CAMKV: variants seen among roughly 807,000 people sequenced by gnomAD.
CAMKV encodes caM kinase-like vesicle-associated protein.
Under a neutral mutation model 50.2 loss-of-function variants are expected in CAMKV, and 5 were observed. The observed-to-expected ratio is 0.10, with a 90% CI of 0.05 to 0.21. CAMKV has a LOEUF of 0.21. Among genes scored for constraint, CAMKV ranks in the 10% least tolerant of loss-of-function variants. CAMKV has a pLI of 1.00. For synonymous variants in CAMKV, 229 were observed against 250.1 expected (o/e 0.92, Z 0.80); for missense variants, 361 against 650.5 (o/e 0.55, Z 4.84).
Position 49,861,383 on chromosome 3 carries a change from C to T in CAMKV, c.441+56G>A, listed in dbSNP as rs1382234576. 2.5e-6 allele frequency: 4 copies of T among 1,612,668 alleles called. No individual in the cohort carries two copies. In the South Asian group the frequency reaches 3.3e-5, roughly 13 times the overall value. Reference sequence around the variant, plus strand: ...TAGACCAAGGCCCTGAGGTGCTGCCCACCCCAGCACCAGCCCAGCTGCCAA... The same window carrying T: ...TAGACCAAGGCCCTGAGGTGCTGCCTACCCCAGCACCAGCCCAGCTGCCAA... On this transcript the variant is annotated intron_variant, in intron 5 of 10. Transcript: ENST00000477224. This position sits in a 1 kb window ranked among gnomAD's most constrained non-coding sequence, Gnocchi z 7.7.
Position 49,860,293 on chromosome 3 carries a change from A to C in CAMKV, c.855-35T>G, listed in dbSNP as rs182564878. ...GTGCAAGTGTGTCTGGATCTGAGAG[A>C]ATGAGCCTTTGTGGAGACTCTGCTC... On this transcript the variant is annotated intron_variant, in intron 9 of 10. Coordinates refer to ENST00000477224, the MANE Select transcript of CAMKV (RefSeq NM_024046.5). This position sits in a 1 kb window ranked among gnomAD's most constrained non-coding sequence, Gnocchi z 6.1. 97 of 1,602,538 alleles carry C rather than the reference A, an allele frequency of 6.1e-5. No individual in the cohort carries two copies. The African/African-American group carries it at 1.1e-3, about 19-fold the overall frequency.
Position 49,862,988 on chromosome 3 carries a change from C to T in CAMKV, c.-14-586G>A, listed in dbSNP as rs4688691. On this transcript the variant is annotated intron_variant, in intron 1 of 10. Transcript: ENST00000477224. This position sits in a 1 kb window ranked among gnomAD's most constrained non-coding sequence, Gnocchi z 5.2. Reference sequence around the variant, plus strand: ...TGCTCATAGTAGCCATATACATAATCGCCAAAAATTGAAAACAGACCAAAT... The same window carrying T: ...TGCTCATAGTAGCCATATACATAATTGCCAAAAATTGAAAACAGACCAAAT... Among the ~76,000 whole-genome samples the T allele has an allele frequency of 6.6e-6, 1 of 152,196 alleles. No individual in the cohort carries two copies. Among genetic ancestry groups the T allele is most frequent in the African/African-American group, 2.4e-5 (1 of 41,430 alleles).
At position 49,860,891 on chromosome 3, in the gene CAMKV, C is replaced by T. The variant is rs753996522; in HGVS notation, c.639-39G>A. Reference sequence around the variant, plus strand: ...GGGTCACACAGAAAGGCCACAGACACATGCCCCCACCCCATCTGACTGCAA... The same window carrying T: ...GGGTCACACAGAAAGGCCACAGACATATGCCCCCACCCCATCTGACTGCAA... On this transcript the variant is annotated intron_variant, in intron 7 of 10. Transcript: ENST00000477224. The surrounding 1 kb of genome is among the most constrained non-coding windows in gnomAD (Gnocchi z 6.1). The T allele has an allele frequency of 5.0e-5, 81 of 1,613,718 alleles. No homozygotes were observed. The highest frequency in any genetic ancestry group is 6.5e-5 in the Non-Finnish European group (77 of 1,179,832).
chr3:49,860,570 G>C lies in CAMKV; in HGVS notation c.776-21C>G, dbSNP rs1178877354. ...TTTGGCTGTGGACAAAACCAAGAAGGGGATAGTCATGGGCACCCCATCTCA... is the reference window on the plus strand; with the variant it reads ...TTTGGCTGTGGACAAAACCAAGAAGCGGATAGTCATGGGCACCCCATCTCA... On this transcript the variant is annotated intron_variant, in intron 8 of 10. Transcript: ENST00000477224. The surrounding 1 kb of genome is among the most constrained non-coding windows in gnomAD (Gnocchi z 6.1). The C allele has an allele frequency of 6.2e-7, 1 of 1,612,200 alleles. No individual in the cohort carries two copies. The highest frequency in any genetic ancestry group is 2.2e-5 in the East Asian group (1 of 44,834).
At chr3:49,866,146 G>T (rs1005875259) in intron 1 of CAMKV, among the ~76,000 whole-genome samples, 1 of 152,160 alleles carries the variant, frequency 6.6e-6, no homozygotes, top group African/African-American at 2.4e-5. Flanking sequence ...CTGGCTTGGG[G>T]CCCTGGACTT....
intron 1 of CAMKV, among the ~76,000 whole-genome samples, chr3:49,868,285 T>C (rs1559458679): frequency 6.6e-6 from 1 of 152,158 alleles, no homozygotes; most frequent in East Asian, 1.9e-4. Context: ...CCCCATCTGC[T>C]ATCCTTTCCA....
In CAMKV at chr3:49,859,511, G is replaced by A. The variant is rs201726498; in HGVS notation, c.1313C>T (p.Thr438Ile). The part of the protein sequence containing the change: ...PATDGRATPA[T>I]EESTVPTTQS... ...GGTGGTGGGCACAGTGCTCTCTTCTGTGGCTGGTGTGGCTCTCCCATCAGT... is the reference window on the plus strand; with the variant it reads ...GGTGGTGGGCACAGTGCTCTCTTCTATGGCTGGTGTGGCTCTCCCATCAGT... Residue 438 changes from threonine to isoleucine, a missense_variant, in exon 11 of 11, where the codon ACA becomes ATA. This residue lies in a region of CAMKV where 75 missense variants were observed against 84.2 expected (regional missense o/e 0.89). Coordinates refer to ENST00000477224, the MANE Select transcript of CAMKV (RefSeq NM_024046.5). The surrounding 1 kb of genome is among the most constrained non-coding windows in gnomAD (Gnocchi z 5.5). The A allele has an allele frequency of 5.7e-4, 917 of 1,614,080 alleles. 1 individual carries two copies. Among genetic ancestry groups the A allele is most frequent in the Non-Finnish European group, 6.9e-4 (812 of 1,179,938 alleles).
Position 49,859,350 on chromosome 3 carries a change from C to T in CAMKV, c.1474G>A (p.Ala492Thr), listed in dbSNP as rs1286982887. The T allele has an allele frequency of 6.5e-7, 1 of 1,545,728 alleles. No homozygotes were observed. Among genetic ancestry groups the T allele is most frequent in the Non-Finnish European group, 8.7e-7 (1 of 1,144,824 alleles). ...GCCTCCTCCCTTTGAGACTCCTGGG[C>T]ATAACCAGCAGCCTCTTCCCCTTTA... The part of the protein sequence containing the change: ...SSKGEEAAGY[A>T]QESQREEAS The change falls in exon 11 of 11, where the codon GCC (alanine) becomes ACC (threonine). Residue 492 changes from alanine to threonine, a missense_variant. Physicochemically the swap from Ala to Thr is moderately conservative, Grantham distance 58. Coordinates refer to ENST00000477224, the MANE Select transcript of CAMKV (RefSeq NM_024046.5). This position sits in a 1 kb window ranked among gnomAD's most constrained non-coding sequence, Gnocchi z 5.5.
chr3:49,858,509 C>A lies in CAMKV; in HGVS notation c.*809G>T. 1 of 396,202 alleles carries A rather than the reference C, an allele frequency of 2.5e-6. No homozygotes were observed. Among genetic ancestry groups the A allele is most frequent in the Non-Finnish European group, 4.4e-6 (1 of 225,130 alleles). 24.5% of individuals were successfully genotyped at this position (396,202 alleles called of 1,614,324 possible). ...GGGTAAGGACCCAGTAAGGCTGGGACACTGGGTGCTGGGCTTGTACTCTGC... is the reference window on the plus strand; with the variant it reads ...GGGTAAGGACCCAGTAAGGCTGGGAAACTGGGTGCTGGGCTTGTACTCTGC... On this transcript the variant is annotated 3_prime_UTR_variant, in exon 11 of 11. Coordinates refer to ENST00000477224, the MANE Select transcript of CAMKV (RefSeq NM_024046.5).
rs1575407576 is a variant in CAMKV, at chr3:49,862,451, C to T, written c.-14-49G>A. The T allele has an allele frequency of 6.6e-7, 1 of 1,524,056 alleles. No homozygotes were observed. Among genetic ancestry groups the T allele is most frequent in the South Asian group, 1.1e-5 (1 of 89,670 alleles). The allele number at this position is 1,524,056 out of a possible 1,614,324, so 94.4% of individuals were successfully genotyped here. On this transcript the variant is annotated intron_variant, in intron 1 of 10. Transcript: ENST00000477224. This position sits in a 1 kb window ranked among gnomAD's most constrained non-coding sequence, Gnocchi z 5.2. ...TTAGCTGTACTACTCTCCACTTCCC[C>T]ACAACATAGGGGCTGCTTTTGGGAG...
Position 49,861,448 on chromosome 3 carries a change from C to T in CAMKV, c.432G>A (p.Arg144=), listed in dbSNP as rs1365033520. The T allele has an allele frequency of 3.1e-6, 5 of 1,614,176 alleles. No homozygotes were observed. Among genetic ancestry groups the T allele is most frequent in the East Asian group, 2.2e-5 (1 of 44,880 alleles). Residue 144 remains arginine, a synonymous_variant, in exon 5 of 11, where the codon AGG becomes AGA. Transcript: ENST00000477224. The surrounding 1 kb of genome is among the most constrained non-coding windows in gnomAD (Gnocchi z 7.7). ...CTGGCTCTGCCCTCACCTTGAGATT[C>T]CTGTGCACGATCTTGAGTGAGTGCA... ...AYLHSLKIVH[R]NLKLENLVYY... is the part of the protein sequence containing the mutation.
intron 1 of CAMKV, among the ~76,000 whole-genome samples, chr3:49,865,514 T>C (rs373438388): frequency 2.3e-5 from 3 of 129,904 alleles, no homozygotes; most frequent in African/African-American, 7.5e-5. Context: ...ATTTATAACA[T>C]TAAAAAAAAT....
chr3:49,857,996 C>T lies in CAMKV; in HGVS notation c.*1322G>A. On this transcript the variant is annotated 3_prime_UTR_variant, in exon 11 of 11. Coordinates refer to ENST00000477224, the MANE Select transcript of CAMKV (RefSeq NM_024046.5). ...GGCGAGAGGGTGGCCAGAGGCTTTG[C>T]AGGGTGATGTTTATTTGCCAGGTTC... 2.9e-6 allele frequency: 1 copy of T among 339,822 alleles called. No homozygotes were observed. The highest frequency in any genetic ancestry group is 5.3e-6 in the Non-Finnish European group (1 of 188,916). The allele number at this position is 339,822 out of a possible 1,614,324, so 21.1% of individuals were successfully genotyped here. A position where few individuals can be genotyped will look rare whatever the true frequency, so the allele number is the denominator to read the frequency against.
At position 49,862,644 on chromosome 3, in the gene CAMKV, T is replaced by C. The variant is rs2082031601; in HGVS notation, c.-14-242A>G. Among the ~76,000 whole-genome samples, 1 of 152,220 alleles carries C rather than the reference T, an allele frequency of 6.6e-6. No individual in the cohort carries two copies. Among genetic ancestry groups the C allele is most frequent in the Non-Finnish European group, 1.5e-5 (1 of 68,040 alleles). On this transcript the variant is annotated intron_variant, in intron 1 of 10. Coordinates refer to ENST00000477224, the MANE Select transcript of CAMKV (RefSeq NM_024046.5). This position sits in a 1 kb window ranked among gnomAD's most constrained non-coding sequence, Gnocchi z 5.2. ...TATGAAAAAATGTATTAAGCTGATA[T>C]ATAAGGGAATAGTTTTGTATTCTAT...
Position 49,859,956 on chromosome 3 carries a change from C to T in CAMKV, c.943-75G>A. ...ATTGCTTGGCAGTGACCAAACCAAA[C>T]TCCTTCCATAGTACCCCCGGCCACC... On this transcript the variant is annotated intron_variant, in intron 10 of 10. Coordinates refer to ENST00000477224, the MANE Select transcript of CAMKV (RefSeq NM_024046.5). This position sits in a 1 kb window ranked among gnomAD's most constrained non-coding sequence, Gnocchi z 5.5. 1 of 1,394,814 alleles carries T rather than the reference C, an allele frequency of 7.2e-7. No individual in the cohort carries two copies. Among genetic ancestry groups the T allele is most frequent in the Non-Finnish European group, 9.6e-7 (1 of 1,043,774 alleles). The allele number at this position is 1,394,814 out of a possible 1,614,324, so 86.4% of individuals were successfully genotyped here.
Position 49,859,236 on chromosome 3 carries a change from G to C in CAMKV, c.*82C>G. Reference sequence around the variant, plus strand: ...GGGGGAGCGAGGGCATCATGCCAGTGACTCTATGTACAGTGAGAAGCCCCT... The same window carrying C: ...GGGGGAGCGAGGGCATCATGCCAGTCACTCTATGTACAGTGAGAAGCCCCT... On this transcript the variant is annotated 3_prime_UTR_variant, in exon 11 of 11. Coordinates refer to ENST00000477224, the MANE Select transcript of CAMKV (RefSeq NM_024046.5). This position sits in a 1 kb window ranked among gnomAD's most constrained non-coding sequence, Gnocchi z 5.5. 7.9e-7 allele frequency: 1 copy of C among 1,261,976 alleles called. No homozygotes were observed. The highest frequency in any genetic ancestry group is 1.1e-6 in the Non-Finnish European group (1 of 919,642). 78.2% of individuals were successfully genotyped at this position (1,261,976 alleles called of 1,614,324 possible).
chr3:49,868,359 G>A (rs970611536), intron 1 of CAMKV, among the ~76,000 whole-genome samples: 1 of 152,010 alleles, frequency 6.6e-6, no homozygotes, highest in African/African-American at 2.4e-5. Flanking sequence ...ACCCCCAACA[G>A]CAGATCCTGC....
chr3:49,867,650 C>G (rs1200913972), intron 1 of CAMKV, among the ~76,000 whole-genome samples: 2 of 152,106 alleles, frequency 1.3e-5, no homozygotes, highest in Non-Finnish European at 2.9e-5. Context: ...CAGGTCCCTT[C>G]TTCAAGAATT....
rs6797500 is a variant in CAMKV at position 49,859,185 on chromosome 3, T to C, written c.*133A>G. The C allele has an allele frequency of 1.5e-5, 12 of 805,612 alleles. No individual in the cohort carries two copies. In the African/African-American group the frequency reaches 2.1e-4, roughly 14 times the overall value. The allele number at this position is 805,612 out of a possible 1,614,324, so 49.9% of individuals were successfully genotyped here. On this transcript the variant is annotated 3_prime_UTR_variant, in exon 11 of 11. Coordinates refer to ENST00000477224, the MANE Select transcript of CAMKV (RefSeq NM_024046.5). This position sits in a 1 kb window ranked among gnomAD's most constrained non-coding sequence, Gnocchi z 5.5. ...AGACTGCTCTCCCGTGACCCCTAGT[T>C]ATGCCCCACTGGGATGTGGGGGCAT... is the stretch of plus-strand genomic sequence containing the variant.
Sources: gnomAD v4.1 joint callset for allele counts (sites outside exome capture counted in the v4.1 genomes callset) on GRCh38, gnomAD v4.1.1 for gene constraint, gnomAD v4.1.1 regional missense constraint, Gnocchi (gnomAD v3.1) non-coding constraint, MANE v1.5 for transcripts, NCBI Gene and HGNC (gene_info 2026-07-23, HGNC 2026-07-21) for gene names.